ATXN1: variants seen among roughly 807,000 people sequenced by gnomAD.
The protein encoded by ATXN1 is ataxin-1.
Under a neutral mutation model 56.4 loss-of-function variants are expected in ATXN1, and 8 were observed. The observed-to-expected ratio is 0.14, with a 90% CI of 0.08 to 0.26. ATXN1 has a LOEUF of 0.26. Among genes scored for constraint, ATXN1 ranks in the 10% least tolerant of loss-of-function variants. The pLI, the probability that ATXN1 is intolerant of heterozygous loss-of-function variation, is 1.00. For synonymous variants in ATXN1, 514 were observed against 494.6 expected, an observed-to-expected ratio of 1.04 and a Z score of -0.52; for missense variants, 987 against 1,106.5, an observed-to-expected ratio of 0.89 and a Z score of 1.53.
intron 6 of ATXN1, among the ~76,000 whole-genome samples, chr6:16,390,220 A>G (rs76363631): frequency 0.091 from 13,851 of 152,208 alleles, 714 homozygotes; most frequent in Non-Finnish European, 0.12. Context: ...TACTTGTTTT[A>G]CTTCCCAAGA....
chr6:16,408,883 T>C lies in ATXN1; in HGVS notation c.-161+77089A>G, dbSNP rs1046436716. Among the ~76,000 whole-genome samples the C allele has an allele frequency of 2.6e-5, 4 of 152,180 alleles. 1 individual carries two copies. The highest frequency in any genetic ancestry group is 1.3e-4 in the Admixed American group (2 of 15,256). ...AGTCTGCTGAGTAGCTGGGACTACA[T>C]GGATGAGCCATCATGCTTTGCTTAA... On this transcript the variant is annotated intron_variant, in intron 6 of 7. Transcript: ENST00000436367.
chr6:16,664,943 C>T (rs1758395034), intron 2 of ATXN1, among the ~76,000 whole-genome samples: 1 of 152,056 alleles, frequency 6.6e-6, no homozygotes, highest in Admixed American at 6.5e-5. Context: ...CATGAAATAA[C>T]ATCTTTATGA....
At chr6:16,734,367 G>C (rs1292798091) in intron 2 of ATXN1, among the ~76,000 whole-genome samples, 1 of 152,108 alleles carries the variant, frequency 6.6e-6, no homozygotes, top group East Asian at 1.9e-4. Flanking sequence ...TTCTGACCCA[G>C]TTCTTCTTTG....
At chr6:16,422,174 A>G (rs1759050245) in intron 6 of ATXN1, among the ~76,000 whole-genome samples, 1 of 152,100 alleles carries the variant, frequency 6.6e-6, no homozygotes. Flanking sequence ...ACATATTTTG[A>G]GGTTTCAGAG....
intron 6 of ATXN1, among the ~76,000 whole-genome samples, chr6:16,457,036 C>G (rs1346252677): frequency 6.6e-6 from 1 of 152,208 alleles, no homozygotes; most frequent in African/African-American, 2.4e-5. Flanking sequence ...TCCCTTCCTT[C>G]CCTCAGGGTA....
At chr6:16,566,200 C>T (rs199557613) in intron 4 of ATXN1, among the ~76,000 whole-genome samples, 2 of 152,012 alleles carry the variant, frequency 1.3e-5, no homozygotes, top group African/African-American at 4.8e-5. Flanking sequence ...AACATAAATC[C>T]GTGACACTTA....
intron 4 of ATXN1, among the ~76,000 whole-genome samples, chr6:16,573,550 C>A (rs1003453955): frequency 1.3e-5 from 2 of 152,136 alleles, no homozygotes; most frequent in African/African-American, 4.8e-5. Context: ...CAGATATATA[C>A]ACACAAACTC....
At chr6:16,344,654 T>C (rs1400146459) in intron 6 of ATXN1, among the ~76,000 whole-genome samples, 1 of 152,242 alleles carries the variant, frequency 6.6e-6, no homozygotes, top group Non-Finnish European at 1.5e-5. Flanking sequence ...GGCTGAAGGC[T>C]GCACTGTCGG....
chr6:16,489,645 A>C (rs1760619889), intron 5 of ATXN1, among the ~76,000 whole-genome samples: 1 of 152,128 alleles, frequency 6.6e-6, no homozygotes, highest in Non-Finnish European at 1.5e-5. Flanking sequence ...TTCAAACTTG[A>C]AGCAGCATCA....
intron 6 of ATXN1, among the ~76,000 whole-genome samples, chr6:16,356,535 T>G (rs984475263): frequency 1.3e-5 from 2 of 152,172 alleles, no homozygotes; most frequent in Non-Finnish European, 2.9e-5. Context: ...CCCCACAGTG[T>G]TTTTCAATTT....
chr6:16,685,113 G>A (rs1292911309), intron 2 of ATXN1, among the ~76,000 whole-genome samples: 2 of 151,948 alleles, frequency 1.3e-5, no homozygotes, highest in Non-Finnish European at 2.9e-5. Context: ...TTACTATGTG[G>A]GAAGGAATTC....
Position 16,444,682 on chromosome 6 carries a change from T to C in ATXN1, c.-161+41290A>G, listed in dbSNP as rs1026553295. 3.3e-5 allele frequency among the ~76,000 whole-genome samples: 5 copies of C among 151,906 alleles called. No individual in the cohort carries two copies. The East Asian group carries it at 7.7e-4, about 23-fold the overall frequency. The stretch of plus-strand genomic sequence containing the variant: ...GTAGATAAATTACAGATGCAAGGAG[T>C]TTCTCTTCATGAACAATAATTCCTG... On this transcript the variant is annotated intron_variant, in intron 6 of 7. Coordinates refer to ENST00000436367, the MANE Select transcript of ATXN1 (RefSeq NM_001128164.2).
At chr6:16,480,082 G>T (rs528996519) in intron 6 of ATXN1, among the ~76,000 whole-genome samples, 55 of 149,798 alleles carry the variant, frequency 3.7e-4, no homozygotes, top group African/African-American at 1.3e-3. Flanking sequence ...AACCCAGAAG[G>T]TGGAGGTTGC....
chr6:16,648,285 CACAT>C (rs560447432), intron 3 of ATXN1, among the ~76,000 whole-genome samples: 92 of 152,290 alleles, frequency 6.0e-4, no homozygotes, highest in African/African-American at 1.8e-3. Flanking sequence ...CATGGACCCA[CACAT>C]ACAGTCTGCA....
intron 6 of ATXN1, among the ~76,000 whole-genome samples, chr6:16,403,461 C>T (rs1412899658): frequency 6.6e-6 from 1 of 152,202 alleles, no homozygotes; most frequent in African/African-American, 2.4e-5. Flanking sequence ...AGCAATTCTC[C>T]TGCTTCAGCC....
At chr6:16,467,967 T>C (rs1489853548) in intron 6 of ATXN1, among the ~76,000 whole-genome samples, 1 of 152,204 alleles carries the variant, frequency 6.6e-6, no homozygotes, top group Non-Finnish European at 1.5e-5. Flanking sequence ...TTTCTATTTC[T>C]ATCTAGTGAC....
intron 2 of ATXN1, among the ~76,000 whole-genome samples, chr6:16,690,100 T>C (rs1381712168): frequency 6.6e-6 from 1 of 152,106 alleles, no homozygotes; most frequent in Non-Finnish European, 1.5e-5. Context: ...ATGTTTATTA[T>C]TTGTCTTAGA....
chr6:16,630,147 A>G (rs1417920761), intron 3 of ATXN1, among the ~76,000 whole-genome samples: 2 of 152,144 alleles, frequency 1.3e-5, no homozygotes, highest in East Asian at 3.8e-4. Context: ...CTCTCAGGCA[A>G]CTTCCTTCCA....
At chr6:16,732,107 A>G (rs1159563629) in intron 2 of ATXN1, among the ~76,000 whole-genome samples, 2 of 152,122 alleles carry the variant, frequency 1.3e-5, no homozygotes, top group African/African-American at 4.8e-5. Flanking sequence ...TGTCATATGT[A>G]GCTCTTTTTT....
Sources: allele counts gnomAD v4.1 joint callset (sites outside exome capture counted in the v4.1 genomes callset), GRCh38; gene constraint gnomAD v4.1.1; transcripts MANE v1.5; gene names NCBI Gene and HGNC (gene_info 2026-07-23, HGNC 2026-07-21).